Variants in CHSY3 observed in about 807,000 individuals in gnomAD.
CHSY3 encodes chondroitin sulfate synthase 3, also known as N-acetylgalactosaminyl-proteoglycan 3-beta-glucuronosyltransferase 3.
A neutral mutation model predicts 67.2 loss-of-function variants in CHSY3; 35 were observed. That is an observed-to-expected ratio of 0.52 (90% confidence interval 0.40 to 0.69). The LOEUF is 0.69. CHSY3 is among the 30% of genes least tolerant of loss of function. The pLI is 0.00. For synonymous variants in CHSY3, 474 were observed against 434.7 expected (o/e 1.09, Z -1.12); for missense variants, 1,069 against 1,138.5 (o/e 0.94, Z 0.88).
At chr5:130,068,105 C>T (rs538770178) in intron 2 of CHSY3, among the ~76,000 whole-genome samples, 13 of 152,208 alleles carry the variant, frequency 8.5e-5, no homozygotes, top group Admixed American at 4.6e-4. Flanking sequence ...TGGCCTGTTT[C>T]AATATTGAAT....
At chr5:130,072,370 C>T (rs1298522309) in intron 2 of CHSY3, among the ~76,000 whole-genome samples, 3 of 152,010 alleles carry the variant, frequency 2.0e-5, no homozygotes, top group Admixed American at 6.6e-5. Context: ...TGTCATTCTT[C>T]GGCATGTGGA....
intron 2 of CHSY3, among the ~76,000 whole-genome samples, chr5:130,176,724 C>T (rs1477323840): frequency 1.3e-5 from 2 of 152,114 alleles, no homozygotes; most frequent in East Asian, 3.9e-4. Flanking sequence ...CCATCATTTT[C>T]AGCAAACTGA....
intron 2 of CHSY3, among the ~76,000 whole-genome samples, chr5:130,123,288 G>T (rs1433699645): frequency 1.3e-5 from 2 of 152,166 alleles, no homozygotes; most frequent in African/African-American, 4.8e-5. Flanking sequence ...TGAATATGCT[G>T]ATTTTTCAAA....
chr5:130,042,120 C>A (rs1383155810), intron 2 of CHSY3, among the ~76,000 whole-genome samples: 1 of 151,996 alleles, frequency 6.6e-6, no homozygotes, highest in Non-Finnish European at 1.5e-5. Flanking sequence ...CCTGTAGTCC[C>A]AGCTACTTGG....
intron 2 of CHSY3, among the ~76,000 whole-genome samples, chr5:129,959,993 C>A (rs1561473908): frequency 2.0e-5 from 3 of 151,940 alleles, no homozygotes; most frequent in African/African-American, 7.3e-5. Flanking sequence ...ATTCCTAACC[C>A]AAAGGACTCT....
At chr5:129,983,344 A>G (rs1238450794) in intron 2 of CHSY3, among the ~76,000 whole-genome samples, 1 of 152,104 alleles carries the variant, frequency 6.6e-6, no homozygotes, top group African/African-American at 2.4e-5. Context: ...GATTAGGTCA[A>G]CATAATTTTT....
At chr5:130,091,146 G>GCGCGCA (rs1554082166) in intron 2 of CHSY3, among the ~76,000 whole-genome samples, 174 of 149,546 alleles carry the variant, frequency 1.2e-3, no homozygotes, top group African/African-American at 3.5e-3. Flanking sequence ...GCACACGCGC[G>GCGCGCA]CACACACACA....
At chr5:130,057,604 T>G (rs1765576491) in intron 2 of CHSY3, among the ~76,000 whole-genome samples, 1 of 152,188 alleles carries the variant, frequency 6.6e-6, no homozygotes, top group East Asian at 1.9e-4. Flanking sequence ...TTTTCAGAGC[T>G]GGTAGCAAAA....
At position 130,106,596 on chromosome 5, in the gene CHSY3, G is replaced by T. The variant is rs533209914; in HGVS notation, c.1087-77633G>T. 2.0e-5 allele frequency among the ~76,000 whole-genome samples: 3 copies of T among 151,754 alleles called. No individual in the cohort carries two copies. The South Asian group carries it at 6.2e-4, about 31-fold the overall frequency. On this transcript the variant is annotated intron_variant, in intron 2 of 2. Coordinates refer to ENST00000305031, the MANE Select transcript of CHSY3 (RefSeq NM_175856.5). ...TATGAAAGAAAATAAAGTGAAGTAGGAATGAGAAAGTACTGTTGGTGGGAA... is the reference window on the plus strand; with the variant it reads ...TATGAAAGAAAATAAAGTGAAGTAGTAATGAGAAAGTACTGTTGGTGGGAA...
At chr5:129,928,981 A>G (rs1168598673) in intron 2 of CHSY3, among the ~76,000 whole-genome samples, 2 of 152,152 alleles carry the variant, frequency 1.3e-5, no homozygotes, top group East Asian at 1.9e-4. Flanking sequence ...GGCTTATTTT[A>G]TCTCAAAGAC....
In CHSY3 at chr5:130,178,249, A is replaced by ATTTTTTTTTTTT. The variant is rs1253548592; in HGVS notation, c.1087-5979_1087-5978insTTTTTTTTTTTT. ...TATTTATATATATATATATATATAT[A>ATTTTTTTTTTTT]TATATTTTTTTTTTTTTTTTTCCTG... On this transcript the variant is annotated intron_variant, in intron 2 of 2. Coordinates refer to ENST00000305031, the MANE Select transcript of CHSY3 (RefSeq NM_175856.5). Among the ~76,000 whole-genome samples, 36 of 68,466 alleles carry ATTTTTTTTTTTT rather than the reference A, an allele frequency of 5.3e-4. 1 individual carries two copies. The highest frequency in any genetic ancestry group is 7.0e-4 in the Non-Finnish European group (28 of 40,040). 44.9% of individuals were successfully genotyped at this position (68,466 alleles called of 152,430 possible). A position where few individuals can be genotyped will look rare whatever the true frequency, so the allele number is the denominator to read the frequency against.
At chr5:130,148,082 T>C (rs1769124351) in intron 2 of CHSY3, among the ~76,000 whole-genome samples, 1 of 152,080 alleles carries the variant, frequency 6.6e-6, no homozygotes, top group Admixed American at 6.6e-5. Flanking sequence ...GTGTGTGTTG[T>C]TTTCTTCTAT....
At chr5:130,004,271 C>A (rs543306385) in intron 2 of CHSY3, among the ~76,000 whole-genome samples, 1 of 152,274 alleles carries the variant, frequency 6.6e-6, no homozygotes, top group Admixed American at 6.5e-5. Context: ...AACTGAACCA[C>A]GCAACATAAA....
intron 2 of CHSY3, among the ~76,000 whole-genome samples, chr5:130,125,578 C>T (rs1768254632): frequency 6.6e-6 from 1 of 152,158 alleles, no homozygotes; most frequent in South Asian, 2.1e-4. Context: ...GATAAAATTT[C>T]AGCATAGAGA....
chr5:129,992,489 G>T (rs535977980), intron 2 of CHSY3, among the ~76,000 whole-genome samples: 138 of 152,086 alleles, frequency 9.1e-4, no homozygotes, highest in African/African-American at 3.1e-3. Flanking sequence ...ATAAGACAGA[G>T]GACAGAACAA....
rs1247755317 is a variant in CHSY3 at position 130,185,306 on chromosome 5, A to C, written c.2164A>C (p.Ile722Leu). 6.2e-7 allele frequency: 1 copy of C among 1,612,128 alleles called. No homozygotes were observed. The highest frequency in any genetic ancestry group is 1.1e-5 in the South Asian group (1 of 91,048). Residue 722 changes from isoleucine to leucine, a missense_variant, in exon 3 of 3, where the codon ATC becomes CTC. Physicochemically the swap from Ile to Leu is conservative, Grantham distance 5. Around this residue, in one of 5 missense-constraint regions of CHSY3, gnomAD observed 401 missense variants for 395.2 expected, o/e 1.01. Transcript: ENST00000305031. ...GCTGCTATTTTGTGATGTTGACTTG[A>C]TCTTCAGAGAAGATTTTCTCCAACG... The part of the protein sequence containing the change: ...TLLLFCDVDL[I>L]FREDFLQRCR...
chr5:130,141,801 T>A lies in CHSY3; in HGVS notation c.1087-42428T>A, dbSNP rs548953676. ...TTCAGAAGAAGGAAGAATTTCAACA[T>A]CAAAATCTGGAGAAAGTCTGCAACC... On this transcript the variant is annotated intron_variant, in intron 2 of 2. Transcript: ENST00000305031. The A allele has an allele frequency of 2.4e-3, 959 of 400,328 alleles. 16 individuals carry two copies. Among genetic ancestry groups the A allele is most frequent in the South Asian group, 0.019 (935 of 50,136 alleles). The allele number at this position is 400,328 out of a possible 1,614,324, so 24.8% of individuals were successfully genotyped here.
At chr5:130,180,607 C>A (rs1770216125) in intron 2 of CHSY3, among the ~76,000 whole-genome samples, 1 of 152,004 alleles carries the variant, frequency 6.6e-6, no homozygotes, top group Admixed American at 6.6e-5. Context: ...TAATCCCAGA[C>A]CTTGGGAGGC....
At chr5:130,059,071 A>G (rs542731455) in intron 2 of CHSY3, among the ~76,000 whole-genome samples, 3 of 152,314 alleles carry the variant, frequency 2.0e-5, no homozygotes, top group South Asian at 2.1e-4. Flanking sequence ...AAGGTACCTT[A>G]AAGATGTGAT....
Sources: allele counts gnomAD v4.1 joint callset (sites outside exome capture counted in the v4.1 genomes callset), GRCh38; gene constraint gnomAD v4.1.1; regional missense constraint gnomAD v4.1.1; transcripts MANE v1.5; gene names NCBI Gene and HGNC (gene_info 2026-07-23, HGNC 2026-07-21).